Variants in TUBD1 observed in about 807,000 individuals in gnomAD.
TUBD1 encodes the protein tubulin delta 1.
TUBD1 carries 38 observed loss-of-function variants against 51.2 expected under a neutral mutation model. The observed-to-expected ratio is 0.74, with a 90% CI of 0.57 to 0.97. TUBD1 has a LOEUF of 0.97. TUBD1 is among the 50% of genes least tolerant of loss of function. The pLI, the probability that TUBD1 is intolerant of heterozygous loss-of-function variation, is 0.00. For missense variants in TUBD1, 489 were observed against 538.4 expected (o/e 0.91, Z 0.91); for synonymous variants, 169 against 178.2 (o/e 0.95, Z 0.41).
intron 2 of TUBD1, among the ~76,000 whole-genome samples, chr17:59,889,932 T>C (rs1470622422): frequency 2.2e-5 from 3 of 139,420 alleles, no homozygotes; most frequent in Non-Finnish European, 4.5e-5. Context: ...ATCACATCAC[T>C]GCACTTCAGC....
At chr17:59,887,180 CTGT>C (rs2040775901) in intron 2 of TUBD1, among the ~76,000 whole-genome samples, 1 of 151,940 alleles carries the variant, frequency 6.6e-6, no homozygotes, top group Admixed American at 6.6e-5. Flanking sequence ...AAGCAAAACA[CTGT>C]CTCAAAACAA....
At chr17:59,883,148 T>G (rs1007413476) in intron 3 of TUBD1, among the ~76,000 whole-genome samples, 1 of 151,862 alleles carries the variant, frequency 6.6e-6, no homozygotes, top group Non-Finnish European at 1.5e-5. Flanking sequence ...CAAGCTGGAG[T>G]GCCGTGGCAC....
At chr17:59,885,724 A>G (rs917884527) in intron 3 of TUBD1, among the ~76,000 whole-genome samples, 3 of 152,210 alleles carry the variant, frequency 2.0e-5, no homozygotes, top group Non-Finnish European at 4.4e-5. Flanking sequence ...GACTTTTCCA[A>G]AGAACCTCAG....
intron 4 of TUBD1, among the ~76,000 whole-genome samples, chr17:59,879,002 C>A (rs1484909804): frequency 6.6e-6 from 1 of 152,004 alleles, no homozygotes; most frequent in Non-Finnish European, 1.5e-5. Flanking sequence ...AAGCTGGGAG[C>A]GGTAGCTCAT....
At chr17:59,885,790 A>T (rs1207917262) in intron 3 of TUBD1, among the ~76,000 whole-genome samples, 2 of 152,188 alleles carry the variant, frequency 1.3e-5, no homozygotes, top group Non-Finnish European at 2.9e-5. Context: ...ATTCTCTATC[A>T]TTGAGATATC....
At chr17:59,886,848 G>A (rs2040758878) in intron 2 of TUBD1, among the ~76,000 whole-genome samples, 1 of 151,594 alleles carries the variant, frequency 6.6e-6, no homozygotes, top group Non-Finnish European at 1.5e-5. Context: ...GCCAGGAGTT[G>A]GAGACCAGCC....
intron 4 of TUBD1, among the ~76,000 whole-genome samples, chr17:59,880,261 G>A (rs1030428481): frequency 6.6e-6 from 1 of 150,952 alleles, no homozygotes; most frequent in Admixed American, 6.6e-5. Context: ...GTTTCACCAT[G>A]TTGGCCAGGA....
At chr17:59,873,244 G>GTT (rs780657602) in intron 6 of TUBD1, among the ~76,000 whole-genome samples, 45 of 134,802 alleles carry the variant, frequency 3.3e-4, no homozygotes, top group Non-Finnish European at 5.7e-4. Context: ...TACTTAAGTT[G>GTT]TTTTTTGTTG....
intron 8 of TUBD1, among the ~76,000 whole-genome samples, chr17:59,861,660 T>G (rs960348509): frequency 2.6e-5 from 4 of 151,772 alleles, no homozygotes; most frequent in South Asian, 2.1e-4. Flanking sequence ...GAGTGGGTTT[T>G]TTTGTTTGTT....
intron 7 of TUBD1, among the ~76,000 whole-genome samples, chr17:59,864,848 G>C (rs188464333): frequency 6.6e-6 from 1 of 151,802 alleles, no homozygotes; most frequent in Admixed American, 6.6e-5. Flanking sequence ...GGACTAGATT[G>C]TTCGGTTTTC....
At chr17:59,878,702 A>C in intron 4 of TUBD1, 1 of 192,950 alleles carries the variant, frequency 5.2e-6, no homozygotes, top group South Asian at 9.0e-5. Flanking sequence ...CTGGTCTCAA[A>C]CTCCTGGCCT....
intron 1 of TUBD1, 62 bp from the exon 2 acceptor site, chr17:59,891,103 C>T (rs139305222): frequency 1.1e-6 from 1 of 876,364 alleles, no homozygotes; most frequent in African/African-American, 1.7e-5. Flanking sequence ...AAATAAAATG[C>T]CATGTATGTT....
intron 8 of TUBD1, among the ~76,000 whole-genome samples, chr17:59,862,748 G>A (rs1252150679): frequency 3.4e-5 from 4 of 118,708 alleles, no homozygotes; most frequent in Admixed American, 9.8e-5. Context: ...TTTTTGAGAC[G>A]GAGTCTCGCT....
chr17:59,891,012 C>A lies in TUBD1; in HGVS notation c.-10G>T. On this transcript the variant is annotated 5_prime_UTR_variant, in exon 2 of 9. Coordinates refer to ENST00000325752, the MANE Select transcript of TUBD1 (RefSeq NM_016261.4). ...CTGTTACAATTGACATGCTGAGCCA[C>A]AAACTAGGTGTATTACCTCTAAAAA... is the stretch of plus-strand genomic sequence containing the variant. 2 of 1,607,106 alleles carry A rather than the reference C, an allele frequency of 1.2e-6. No homozygotes were observed. Among genetic ancestry groups the A allele is most frequent in the Non-Finnish European group, 8.5e-7 (1 of 1,177,688 alleles).
At chr17:59,884,311 T>G (rs2040618123) in intron 3 of TUBD1, among the ~76,000 whole-genome samples, 1 of 150,910 alleles carries the variant, frequency 6.6e-6, no homozygotes, top group African/African-American at 2.4e-5. Context: ...CCTAGGGACC[T>G]TTAAAAAATC....
At chr17:59,871,960 A>ATT (rs57529317) in intron 6 of TUBD1, among the ~76,000 whole-genome samples, 10 of 140,232 alleles carry the variant, frequency 7.1e-5, no homozygotes, top group South Asian at 2.2e-4. Context: ...TATGCCCAGC[A>ATT]TTTTTTTTTT....
intron 2 of TUBD1, among the ~76,000 whole-genome samples, chr17:59,888,372 T>G (rs2040831405): frequency 6.6e-6 from 1 of 151,994 alleles, no homozygotes; most frequent in Non-Finnish European, 1.5e-5. Context: ...TCAGTGAAGG[T>G]GGAAAGGGAA....
rs932224394 is a variant in TUBD1, at chr17:59,859,636, T to G, written c.*686A>C. 1 of 152,662 alleles carries G rather than the reference T, an allele frequency of 6.6e-6. No homozygotes were observed. The highest frequency in any genetic ancestry group is 2.4e-5 in the African/African-American group (1 of 41,460). 9.5% of individuals were successfully genotyped at this position (152,662 alleles called of 1,614,324 possible). A position where few individuals can be genotyped will look rare whatever the true frequency, so the allele number is the denominator to read the frequency against. Reference sequence around the variant, plus strand: ...CATCTCCCTCCTGTGGTTCAAAGCATTCATTTCAAACATGAATATATTAAG... The same window carrying G: ...CATCTCCCTCCTGTGGTTCAAAGCAGTCATTTCAAACATGAATATATTAAG... On this transcript the variant is annotated 3_prime_UTR_variant, in exon 9 of 9. Coordinates refer to ENST00000325752, the MANE Select transcript of TUBD1 (RefSeq NM_016261.4).
intron 5 of TUBD1, among the ~76,000 whole-genome samples, chr17:59,877,370 AT>A (rs2040273079): frequency 6.6e-6 from 1 of 152,214 alleles, no homozygotes; most frequent in Non-Finnish European, 1.5e-5. Context: ...TGACGCGCAC[AT>A]TGACAACTCT....
Sources: allele counts gnomAD v4.1 joint callset (sites outside exome capture counted in the v4.1 genomes callset), GRCh38; gene constraint gnomAD v4.1.1; transcripts MANE v1.5; gene names NCBI Gene and HGNC (gene_info 2026-07-23, HGNC 2026-07-21).